The following PCDH11X variants were observed in gnomAD, a reference collection of about 807,000 sequenced individuals.
PCDH11X encodes protocadherin-11 X-linked.
In PCDH11X, 18 loss-of-function variants were observed where a neutral mutation model predicts 53.3. The observed-to-expected ratio is 0.34, with a 90% CI of 0.23 to 0.50. The LOEUF (loss-of-function observed/expected upper bound fraction) is 0.50, where lower values mean the gene tolerates loss of function less well. Among genes scored for constraint, PCDH11X ranks in the 20% least tolerant of loss-of-function variants. The pLI is 0.98. For missense variants in PCDH11X, 570 were observed against 1,032.4 expected (o/e 0.55, Z 6.14); for synonymous variants, 279 against 393.3 (o/e 0.71, Z 3.44).
rs758109928 is a variant in PCDH11X at position 92,280,153 on chromosome X, T to A, written c.3144+17010T>A. Among the ~76,000 whole-genome samples, 123 of 112,049 alleles carry A rather than the reference T, an allele frequency of 1.1e-3. 1 individual carries two copies. Among genetic ancestry groups the A allele is most frequent in the African/African-American group, 3.8e-3 (118 of 30,868 alleles). ...TAGAAAAGCACACATGCAAACATACTCGGTCTAGGTGTGTAGTAGGCTACA... is the reference window on the plus strand; with the variant it reads ...TAGAAAAGCACACATGCAAACATACACGGTCTAGGTGTGTAGTAGGCTACA... On this transcript the variant is annotated intron_variant, in intron 8 of 10. Coordinates refer to ENST00000682573, the MANE Select transcript of PCDH11X (RefSeq NM_032968.5).
At chrX:92,177,035 G>A (rs926692140) in intron 6 of PCDH11X, among the ~76,000 whole-genome samples, 4 of 107,009 alleles carry the variant, frequency 3.7e-5, no homozygotes, top group Admixed American at 1.0e-4. Context: ...GAGTGCAGTG[G>A]GGCAATCTCG....
chrX:92,363,771 A>C (rs1198970196), intron 8 of PCDH11X, among the ~76,000 whole-genome samples: 9 of 111,458 alleles, frequency 8.1e-5, no homozygotes, highest in Non-Finnish European at 1.3e-4. Flanking sequence ...TCACCATTGA[A>C]TATGATATTA....
chrX:91,924,752 A>T (rs1439787468), intron 6 of PCDH11X, among the ~76,000 whole-genome samples: 1 of 110,811 alleles, frequency 9.0e-6, no homozygotes, highest in Admixed American at 9.6e-5. Context: ...GAAATTGAGT[A>T]CCTTTTGTTT....
At chrX:92,143,869 C>A (rs1483910959) in intron 6 of PCDH11X, among the ~76,000 whole-genome samples, 1 of 111,472 alleles carries the variant, frequency 9.0e-6, no homozygotes, top group Non-Finnish European at 1.9e-5. Flanking sequence ...GTGAAAGCAG[C>A]CACAAGGGAG....
intron 7 of PCDH11X, among the ~76,000 whole-genome samples, chrX:92,202,982 C>A (rs1409974755): frequency 9.0e-6 from 1 of 111,212 alleles, no homozygotes; most frequent in African/African-American, 3.3e-5. Flanking sequence ...GAGATCGCAC[C>A]ACTGCACTCC....
intron 10 of PCDH11X, among the ~76,000 whole-genome samples, chrX:92,478,683 G>T (rs2750792): frequency 0.019 from 2,082 of 110,936 alleles, 53 homozygotes; most frequent in African/African-American, 0.065. Flanking sequence ...TTGTATGGTT[G>T]TGAGCAATTT....
chrX:92,321,169 T>G (rs1428256530), intron 8 of PCDH11X, among the ~76,000 whole-genome samples: 1 of 104,325 alleles, frequency 9.6e-6, no homozygotes, highest in Non-Finnish European at 1.9e-5. Flanking sequence ...TCAGTATCTG[T>G]GAGCTGAACT....
At chrX:92,464,856 T>C (rs1326294902) in intron 9 of PCDH11X, among the ~76,000 whole-genome samples, 1 of 110,320 alleles carries the variant, frequency 9.1e-6, no homozygotes, top group African/African-American at 3.3e-5. Flanking sequence ...GGTTTATTAA[T>C]TTGACACCAC....
intron 6 of PCDH11X, among the ~76,000 whole-genome samples, chrX:92,171,183 A>T (rs1237985840): frequency 3.8e-5 from 4 of 104,765 alleles, no homozygotes; most frequent in Non-Finnish European, 7.8e-5. Context: ...AGCACTGAGG[A>T]CAGGAAGTAT....
Position 92,406,911 on chromosome X carries a change from A to G in PCDH11X, c.3343+18978A>G, listed in dbSNP as rs770432154. ...CACTGCACTCCAGCCCGGGCAACAG[A>G]GTGAAATTCCATCTCATAAAAAAAA... On this transcript the variant is annotated intron_variant, in intron 9 of 10. Coordinates refer to ENST00000682573, the MANE Select transcript of PCDH11X (RefSeq NM_032968.5). Among the ~76,000 whole-genome samples, 347 of 93,538 alleles carry G rather than the reference A, an allele frequency of 3.7e-3. 2 individuals are homozygous for G. The highest frequency in any genetic ancestry group is 0.013 in the African/African-American group (320 of 24,913). The allele number at this position is 93,538 out of a possible 115,157, so 81.2% of individuals were successfully genotyped here.
chrX:92,435,175 G>A, intron 9 of PCDH11X, among the ~76,000 whole-genome samples: 1 of 110,032 alleles, frequency 9.1e-6, no homozygotes, highest in Middle Eastern at 4.6e-3. Context: ...CCAAGATGAG[G>A]AAATAATCTC....
chrX:92,147,460 A>G (rs1452729221), intron 6 of PCDH11X, among the ~76,000 whole-genome samples: 1 of 112,118 alleles, frequency 8.9e-6, no homozygotes, highest in Non-Finnish European at 1.9e-5. Context: ...GATTTGAGCC[A>G]GCAAAAGTTG....
At chrX:92,565,724 A>G (rs1054309867) in intron 10 of PCDH11X, among the ~76,000 whole-genome samples, 2 of 107,615 alleles carry the variant, frequency 1.9e-5, no homozygotes, top group African/African-American at 6.7e-5. Flanking sequence ...CTACTATTTG[A>G]TAGAACAACA....
intron 1 of PCDH11X, chrX:91,797,946 T>A (rs1311813360): frequency 1.8e-5 from 2 of 111,867 alleles, no homozygotes; most frequent in African/African-American, 3.3e-5. Flanking sequence ...AAAACATAGA[T>A]GAACACAGAT....
chrX:92,557,515 T>C (rs2075064866), intron 10 of PCDH11X, among the ~76,000 whole-genome samples: 1 of 111,511 alleles, frequency 9.0e-6, no homozygotes, highest in South Asian at 3.7e-4. Context: ...TTTATCTCCA[T>C]TTGAAACCAC....
intron 6 of PCDH11X, among the ~76,000 whole-genome samples, chrX:92,016,741 A>G (rs1308987777): frequency 8.9e-6 from 1 of 111,944 alleles, no homozygotes; most frequent in Non-Finnish European, 1.9e-5. Flanking sequence ...CATATTGGCC[A>G]TAAGGCAGTT....
intron 6 of PCDH11X, among the ~76,000 whole-genome samples, chrX:92,008,941 A>G (rs980952724): frequency 5.4e-5 from 6 of 111,935 alleles, no homozygotes; most frequent in African/African-American, 1.9e-4. Flanking sequence ...CTTTATAGGT[A>G]ACCTTTGATG....
intron 8 of PCDH11X, among the ~76,000 whole-genome samples, chrX:92,277,877 G>A (rs1419812085): frequency 1.8e-5 from 2 of 111,006 alleles, no homozygotes; most frequent in Non-Finnish European, 3.8e-5. Flanking sequence ...AAGGGGTTGG[G>A]GTACTTGCCC....
chrX:92,444,602 T>C (rs189325418), intron 9 of PCDH11X, among the ~76,000 whole-genome samples: 180 of 108,281 alleles, frequency 1.7e-3, no homozygotes, highest in African/African-American at 5.7e-3. Flanking sequence ...TAGTAGGCAT[T>C]CATGTCCTGT....
Sources: allele counts gnomAD v4.1 joint callset (sites outside exome capture counted in the v4.1 genomes callset), GRCh38; gene constraint gnomAD v4.1.1; transcripts MANE v1.5; gene names NCBI Gene and HGNC (gene_info 2026-07-23, HGNC 2026-07-21).